The following STK32B variants were observed in gnomAD, a reference collection of about 807,000 sequenced individuals.
STK32B encodes serine/threonine-protein kinase 32B.
Under a neutral mutation model 52.6 loss-of-function variants are expected in STK32B, and 43 were observed. That is an observed-to-expected ratio of 0.82 (90% CI 0.64 to 1.05). The LOEUF (loss-of-function observed/expected upper bound fraction) is 1.05. Among genes scored for constraint, STK32B ranks in the 50% least tolerant of loss-of-function variants. The probability of loss-of-function intolerance (pLI) is 0.00; values close to 1 mark genes in which losing one functional copy is unlikely to be tolerated. For missense variants in STK32B, 621 were observed against 534.6 expected (o/e 1.16, Z -1.59); for synonymous variants, 238 against 204.3 (o/e 1.17, Z -1.41).
At chr4:5,049,735 G>A (rs904796473), upstream of STK32B, among the ~76,000 whole-genome samples, 1 of 97,154 alleles carries the variant, frequency 1.0e-5, no homozygotes, top group Non-Finnish European at 2.3e-5. Flanking sequence ...TCAGAGGCCT[G>A]GCAATCACAC....
chr4:5,261,088 G>C (rs1480311790), intron 3 of STK32B, among the ~76,000 whole-genome samples: 2 of 152,122 alleles, frequency 1.3e-5, no homozygotes, highest in African/African-American at 4.8e-5. Flanking sequence ...GATAGCTGAA[G>C]GCTGTCTCCT....
chr4:5,386,587 C>A lies in STK32B; in HGVS notation c.435-11620C>A, dbSNP rs974848922. ...GGAGAAACACAATTATTTCTTAGAT[C>A]CCTTTTGGCTCTAAAATACCTTTCC... is the stretch of plus-strand genomic sequence containing the variant. On this transcript the variant is annotated intron_variant, in intron 4 of 11. Coordinates refer to ENST00000282908, the MANE Select transcript of STK32B (RefSeq NM_018401.3). The surrounding 1 kb of genome is among the most constrained non-coding windows in gnomAD (Gnocchi z 4.5). Among the ~76,000 whole-genome samples the A allele has an allele frequency of 4.6e-5, 7 of 152,206 alleles. No individual in the cohort carries two copies. The highest frequency in any genetic ancestry group is 1.7e-4 in the African/African-American group (7 of 41,456).
At chr4:5,369,163 C>T (rs1316893584) in intron 4 of STK32B, among the ~76,000 whole-genome samples, 1 of 151,830 alleles carries the variant, frequency 6.6e-6, no homozygotes, top group Non-Finnish European at 1.5e-5. Context: ...TCCTCCCACT[C>T]TTCTTCCATC....
At chr4:5,360,012 G>T (rs940210990) in intron 4 of STK32B, among the ~76,000 whole-genome samples, 1 of 152,220 alleles carries the variant, frequency 6.6e-6, no homozygotes, top group African/African-American at 2.4e-5. Context: ...TCAGGCTGCT[G>T]TGTGGAAGAT....
chr4:5,196,576 C>T (rs953021240), intron 3 of STK32B, among the ~76,000 whole-genome samples: 7 of 151,728 alleles, frequency 4.6e-5, no homozygotes, highest in Non-Finnish European at 1.0e-4. Context: ...CAAAAATTAG[C>T]TGGGCATGGT....
In STK32B at chr4:5,469,819, T is replaced by C. The variant is rs369950525; in HGVS notation, c.1106+1749T>C. Among the ~76,000 whole-genome samples, 12 of 152,268 alleles carry C rather than the reference T, an allele frequency of 7.9e-5. No individual in the cohort carries two copies. The highest frequency in any genetic ancestry group is 3.4e-3 in the Middle Eastern group (1 of 294). On this transcript the variant is annotated intron_variant, in intron 11 of 11. Transcript: ENST00000282908. This position sits in a 1 kb window ranked among gnomAD's most constrained non-coding sequence, Gnocchi z 4.7. ...CAGACTTGGGGAAGACGGGGGCTGATGTCGTGAGTGGTTTCGGAGCTTATC... is the reference window on the plus strand; with the variant it reads ...CAGACTTGGGGAAGACGGGGGCTGACGTCGTGAGTGGTTTCGGAGCTTATC...
intron 3 of STK32B, among the ~76,000 whole-genome samples, chr4:5,204,458 T>TTTTTTGTTTTG (rs143967616): frequency 2.7e-5 from 4 of 146,856 alleles, no homozygotes; most frequent in African/African-American, 1.0e-4. Flanking sequence ...TTTTTAGGTT[T>TTTTTTGTTTTG]TTTTGTTTTG....
intron 7 of STK32B, among the ~76,000 whole-genome samples, chr4:5,454,438 A>G (rs536973734): frequency 8.6e-5 from 13 of 152,046 alleles, no homozygotes; most frequent in African/African-American, 2.9e-4. Flanking sequence ...TCTTTCCTCT[A>G]TGTGTCTTTC....
chr4:5,037,858 G>C, the STK32B span, among the ~76,000 whole-genome samples: 1 of 152,164 alleles, frequency 6.6e-6, no homozygotes, highest in African/African-American at 2.4e-5. Context: ...ATGGGGACCT[G>C]TTATTCATTT....
chr4:5,079,968 G>A (rs1257621392), intron 1 of STK32B, among the ~76,000 whole-genome samples: 1 of 152,122 alleles, frequency 6.6e-6, no homozygotes, highest in East Asian at 1.9e-4. Context: ...GGGGGCTGGG[G>A]AATATAGGGG....
At chr4:5,446,397 C>T (rs939138339) in intron 6 of STK32B, among the ~76,000 whole-genome samples, 1 of 152,104 alleles carries the variant, frequency 6.6e-6, no homozygotes, top group Non-Finnish European at 1.5e-5. Flanking sequence ...GAAACCCCAT[C>T]CCTACTAAAA....
intron 3 of STK32B, among the ~76,000 whole-genome samples, chr4:5,295,306 G>C (rs1207801830): frequency 1.3e-5 from 2 of 152,022 alleles, no homozygotes; most frequent in Admixed American, 1.3e-4. Context: ...TTATGGAGGA[G>C]TCCCTCTTTT....
rs181928208 is a variant in STK32B at position 5,394,940 on chromosome 4, G to A, written c.435-3267G>A. 9.8e-5 allele frequency among the ~76,000 whole-genome samples: 15 copies of A among 152,288 alleles called. No individual in the cohort carries two copies. In the East Asian group the frequency reaches 2.9e-3, roughly 29 times the overall value. ...CCCAGGAGTCCAGGTGGGCTTAACTGGATCATCTGCATAGGATCTCACAAA... is the reference window on the plus strand; with the variant it reads ...CCCAGGAGTCCAGGTGGGCTTAACTAGATCATCTGCATAGGATCTCACAAA... On this transcript the variant is annotated intron_variant, in intron 4 of 11. Transcript: ENST00000282908. The surrounding 1 kb of genome is among the most constrained non-coding windows in gnomAD (Gnocchi z 4.2).
At chr4:5,134,853 A>G (rs537051903) in intron 1 of STK32B, among the ~76,000 whole-genome samples, 4 of 152,352 alleles carry the variant, frequency 2.6e-5, no homozygotes, top group Admixed American at 6.5e-5. Context: ...ACTGTGGTTT[A>G]CTTTCCATTA....
In STK32B at chr4:5,139,833, G is replaced by A. The variant is rs2108831374; in HGVS notation, c.53-72G>A. The A allele has an allele frequency of 5.1e-6, 8 of 1,578,464 alleles. No homozygotes were observed. In the South Asian group the frequency reaches 7.8e-5, roughly 15 times the overall value. On this transcript the variant is annotated intron_variant, in intron 1 of 11. Coordinates refer to ENST00000282908, the MANE Select transcript of STK32B (RefSeq NM_018401.3). ...TTTGGAATAGGTGGGTAGGTACATA[G>A]GTAAGGATATTCAAGGAGCAATACC...
intron 1 of STK32B, among the ~76,000 whole-genome samples, chr4:5,120,222 G>A (rs1179201015): frequency 6.6e-6 from 1 of 152,142 alleles, no homozygotes; most frequent in East Asian, 1.9e-4. Context: ...ACATCGTCAT[G>A]GCTTGATGAT....
At chr4:5,254,407 A>G (rs941651600) in intron 3 of STK32B, among the ~76,000 whole-genome samples, 4 of 152,094 alleles carry the variant, frequency 2.6e-5, no homozygotes, top group Non-Finnish European at 5.9e-5. Flanking sequence ...CCCTTAAAAA[A>G]TTATGTCCTA....
intron 1 of STK32B, among the ~76,000 whole-genome samples, chr4:5,066,732 C>A (rs949418375): frequency 6.6e-6 from 1 of 152,152 alleles, no homozygotes; most frequent in African/African-American, 2.4e-5. Flanking sequence ...TTCAACCACA[C>A]AGCCATTCTT....
chr4:5,345,592 A>T (rs1733398545), intron 4 of STK32B: 1 of 152,218 alleles, frequency 6.6e-6, no homozygotes, highest in African/African-American at 2.4e-5. Flanking sequence ...TGTTGGGTTC[A>T]CCTAGTCCTA....
Sources: gnomAD v4.1 joint callset for allele counts (sites outside exome capture counted in the v4.1 genomes callset) on GRCh38, gnomAD v4.1.1 for gene constraint, Gnocchi (gnomAD v3.1) non-coding constraint, MANE v1.5 for transcripts, NCBI Gene and HGNC (gene_info 2026-07-23, HGNC 2026-07-21) for gene names.